The following ZNF354B variants were observed in gnomAD, a reference collection of about 807,000 sequenced individuals.
ZNF354B encodes the protein zinc finger protein 354B.
In ZNF354B, 10 loss-of-function variants were observed where a neutral mutation model predicts 12.9. The ratio of observed to expected loss-of-function variants is 0.77; its 90% CI spans 0.48 to 1.31. The LOEUF (loss-of-function observed/expected upper bound fraction) is 1.31, where lower values mean the gene tolerates loss of function less well. Ranked by LOEUF, ZNF354B falls within the 40% of genes most tolerant of loss-of-function variation. The pLI is 0.00. For missense variants in ZNF354B, 614 were observed against 711.7 expected, an observed-to-expected ratio of 0.86 and a Z score of 1.56; for synonymous variants, 260 against 243.7, an observed-to-expected ratio of 1.07 and a Z score of -0.62.
chr5:178,882,320 A>C (rs959131795), intron 4 of ZNF354B, among the ~76,000 whole-genome samples: 4 of 152,244 alleles, frequency 2.6e-5, no homozygotes, highest in Admixed American at 2.6e-4. Context: ...AGTCTGAAGG[A>C]TACAAAGGAG....
At chr5:178,882,287 CAG>C in intron 4 of ZNF354B, among the ~76,000 whole-genome samples, 1 of 152,064 alleles carries the variant, frequency 6.6e-6, no homozygotes, top group East Asian at 1.9e-4. Context: ...AAAAGGTACA[CAG>C]AGGAGTTAAC....
chr5:178,865,512 C>G (rs1019323659), intron 2 of ZNF354B, among the ~76,000 whole-genome samples: 1 of 152,112 alleles, frequency 6.6e-6, no homozygotes, highest in Non-Finnish European at 1.5e-5. Context: ...TGTGATCCAG[C>G]CATCTCGGCC....
intron 4 of ZNF354B, among the ~76,000 whole-genome samples, chr5:178,867,275 C>G (rs989791367): frequency 7.2e-5 from 11 of 152,196 alleles, no homozygotes; most frequent in African/African-American, 2.4e-4. Flanking sequence ...TTTTCTTACT[C>G]TTTCCTGTTG....
intron 4 of ZNF354B, among the ~76,000 whole-genome samples, chr5:178,868,430 C>T (rs1216067087): frequency 1.3e-5 from 2 of 150,672 alleles, no homozygotes; most frequent in East Asian, 1.9e-4. Flanking sequence ...GTTGAACCCT[C>T]GCCCACAGCT....
At chr5:178,871,462 T>C (rs532462647) in intron 4 of ZNF354B, among the ~76,000 whole-genome samples, 385 of 152,330 alleles carry the variant, frequency 2.5e-3, no homozygotes, top group Non-Finnish European at 4.4e-3. Context: ...CGCCATCTCC[T>C]CACCGTGCTT....
In ZNF354B at chr5:178,882,834, G is replaced by A; in HGVS notation, c.382G>A (p.Glu128Lys). Residue 128 changes from glutamate (E) to lysine (K), a missense_variant, in exon 5 of 5, where the codon GAA (glutamate) becomes AAA (lysine). Physicochemically the swap from Glu to Lys is moderately conservative, Grantham distance 56 (BLOSUM62 1). Coordinates refer to ENST00000322434, the MANE Select transcript of ZNF354B (RefSeq NM_058230.3). Reference sequence around the variant, plus strand: ...CATATCAGAAAGATCCTGCATATATGAAGAGAAATTAAAGAAACAGCAGGA... The same window carrying A: ...CATATCAGAAAGATCCTGCATATATAAAGAGAAATTAAAGAAACAGCAGGA... Reference protein sequence around the residue: ...NFISERSCIYEEKLKKQQDKN... With the variant: ...NFISERSCIYKEKLKKQQDKN... The A allele has an allele frequency of 1.2e-6, 2 of 1,606,550 alleles. No homozygotes were observed. The highest frequency in any genetic ancestry group is 1.7e-6 in the Non-Finnish European group (2 of 1,178,364).
chr5:178,880,202 CTTTCT>C (rs1308963608), intron 4 of ZNF354B, among the ~76,000 whole-genome samples: 1 of 147,996 alleles, frequency 6.8e-6, no homozygotes, highest in East Asian at 2.5e-4. Context: ...TTTTCCTTTT[CTTTCT>C]TTTTTTTTTT....
At position 178,883,345 on chromosome 5, in the gene ZNF354B, A is replaced by G. The variant is rs752731614; in HGVS notation, c.893A>G (p.Tyr298Cys). The G allele has an allele frequency of 4.3e-6, 7 of 1,614,150 alleles. No homozygotes were observed. The highest frequency in any genetic ancestry group is 2.2e-5 in the East Asian group (1 of 44,866). The change falls in exon 5 of 5, where the codon TAT becomes TGT. Residue 298 changes from tyrosine (Y) to cysteine (C), a missense_variant. Tyr to Cys is a radical substitution (Grantham distance 194). Transcript: ENST00000322434. The part of the protein sequence containing the change: ...HLRTHTVEKC[Y>C]RCKECGKSFS... ...AGGACCCATACTGTGGAGAAATGCT[A>G]TAGATGTAAAGAATGTGGTAAATCC...
At chr5:178,879,539 C>G (rs1757687970) in intron 4 of ZNF354B, among the ~76,000 whole-genome samples, 1 of 151,914 alleles carries the variant, frequency 6.6e-6, no homozygotes. Flanking sequence ...GCCATCATGC[C>G]CAGCTAATTT....
At chr5:178,861,532 ATTC>A (rs1420144950) in intron 2 of ZNF354B, among the ~76,000 whole-genome samples, 3 of 152,230 alleles carry the variant, frequency 2.0e-5, no homozygotes, top group African/African-American at 7.2e-5. Flanking sequence ...TGTGAATCAT[ATTC>A]TTTGCTTGTA....
Position 178,861,246 on chromosome 5 carries a change from C to T in ZNF354B, c.33+166C>T, listed in dbSNP as rs1757343255. 1.3e-5 allele frequency among the ~76,000 whole-genome samples: 2 copies of T among 151,384 alleles called. 1 individual carries two copies. The highest frequency in any genetic ancestry group is 1.3e-4 in the Admixed American group (2 of 15,196). On this transcript the variant is annotated intron_variant, in intron 2 of 4. Coordinates refer to ENST00000322434, the MANE Select transcript of ZNF354B (RefSeq NM_058230.3). ...TTCTGTAGGGAGGACCACCCACCCT[C>T]CCCACCCGTGTCTAGTGGTTTTTAA...
In ZNF354B at chr5:178,882,805, A is replaced by G. The variant is rs1306075063; in HGVS notation, c.353A>G (p.Asn118Ser). 4.4e-6 allele frequency: 7 copies of G among 1,603,706 alleles called. No homozygotes were observed. Among genetic ancestry groups the G allele is most frequent in the Non-Finnish European group, 5.9e-6 (7 of 1,177,712 alleles). The change falls in exon 5 of 5, where the codon AAC becomes AGC. Residue 118 changes from asparagine (N) to serine (S), a missense_variant. Asn to Ser is a conservative substitution (Grantham distance 46). Transcript: ENST00000322434. ...RKRLKRDEPW[N>S]FISERSCIYE... ...AGATTGAAAAGGGATGAACCCTGGAACTTCATATCAGAAAGATCCTGCATA... is the reference window on the plus strand; with the variant it reads ...AGATTGAAAAGGGATGAACCCTGGAGCTTCATATCAGAAAGATCCTGCATA...
Position 178,884,323 on chromosome 5 carries a change from A to T in ZNF354B, c.*32A>T. 1 of 1,533,374 alleles carries T rather than the reference A, an allele frequency of 6.5e-7. No individual in the cohort carries two copies. The highest frequency in any genetic ancestry group is 8.7e-7 in the Non-Finnish European group (1 of 1,144,944). 95.0% of individuals were successfully genotyped at this position (1,533,374 alleles called of 1,614,324 possible). ...TAAACCAAAACTCATCAGAGAATACATGCTTGAGAGTGATTTATTAAATAT... is the reference window on the plus strand; with the variant it reads ...TAAACCAAAACTCATCAGAGAATACTTGCTTGAGAGTGATTTATTAAATAT... On this transcript the variant is annotated 3_prime_UTR_variant, in exon 5 of 5. Transcript: ENST00000322434.
chr5:178,871,823 A>G (rs982302896), intron 4 of ZNF354B, among the ~76,000 whole-genome samples: 4 of 152,220 alleles, frequency 2.6e-5, no homozygotes, highest in Non-Finnish European at 4.4e-5. Context: ...GTGTCATTCA[A>G]TGAGATACTA....
intron 4 of ZNF354B, 132 bp from the exon 5 acceptor site, chr5:178,882,577 G>C (rs1380356492): frequency 2.3e-6 from 2 of 867,876 alleles, no homozygotes; most frequent in Non-Finnish European, 3.3e-6. Flanking sequence ...TTTATATAGT[G>C]TTTTTTAGAA....
At chr5:178,872,367 T>C (rs761816744) in intron 4 of ZNF354B, among the ~76,000 whole-genome samples, 5 of 152,226 alleles carry the variant, frequency 3.3e-5, no homozygotes, top group Non-Finnish European at 7.3e-5. Flanking sequence ...GAGTATATCA[T>C]AGTTTGTATA....
intron 4 of ZNF354B, among the ~76,000 whole-genome samples, chr5:178,878,201 G>A (rs928280167): frequency 3.3e-5 from 5 of 151,952 alleles, no homozygotes; most frequent in Non-Finnish European, 7.3e-5. Context: ...GGCTAACATG[G>A]TGAAACCCCG....
rs1371234188 is a variant in ZNF354B, at chr5:178,884,153, A to T, written c.1701A>T (p.Ala567=). ...TTAGACAAAGCTCATCACTTATTGCACATCAAAGAATTCATACTGGAGAGA... is the reference window on the plus strand; with the variant it reads ...TTAGACAAAGCTCATCACTTATTGCTCATCAAAGAATTCATACTGGAGAGA... ...KTFRQSSSLI[A]HQRIHTGEKP... is the part of the protein sequence containing the mutation. The change falls in exon 5 of 5, where the codon GCA becomes GCT. Residue 567 remains alanine (A), a synonymous_variant. Coordinates refer to ENST00000322434, the MANE Select transcript of ZNF354B (RefSeq NM_058230.3). 6.2e-7 allele frequency: 1 copy of T among 1,614,024 alleles called. No homozygotes were observed. The highest frequency in any genetic ancestry group is 1.1e-5 in the South Asian group (1 of 91,072).
At chr5:178,863,444 CATT>C (rs1366477291) in intron 2 of ZNF354B, among the ~76,000 whole-genome samples, 1 of 152,124 alleles carries the variant, frequency 6.6e-6, no homozygotes, top group African/African-American at 2.4e-5. Context: ...GCTATTGTAA[CATT>C]ATAGTGCAGG....
Sources: allele counts gnomAD v4.1 joint callset (sites outside exome capture counted in the v4.1 genomes callset), GRCh38; gene constraint gnomAD v4.1.1; transcripts MANE v1.5; gene names NCBI Gene and HGNC (gene_info 2026-07-23, HGNC 2026-07-21).